XPO5: variants seen among roughly 807,000 people sequenced by gnomAD.
XPO5 encodes exportin-5.
Under a neutral mutation model 160.6 loss-of-function variants are expected in XPO5, and 46 were observed. That is an observed-to-expected ratio of 0.29 (90% CI 0.23 to 0.37). The LOEUF is 0.37. XPO5 is among the 10% of genes least tolerant of loss of function. The pLI is 1.00. For synonymous variants in XPO5, 537 were observed against 519.3 expected (o/e 1.03, Z -0.46); for missense variants, 1,090 against 1,463.9 (o/e 0.74, Z 4.17).
chr6:43,572,683 A>G (rs1763070831), intron 2 of XPO5, 105 bp from the exon 3 acceptor site: 2 of 1,224,852 alleles, frequency 1.6e-6, no homozygotes, highest in East Asian at 4.7e-5. Flanking sequence ...GATTTCATTA[A>G]GAAATTATAC....
At chr6:43,553,965 A>G (rs1761874482) in intron 13 of XPO5, among the ~76,000 whole-genome samples, 1 of 152,258 alleles carries the variant, frequency 6.6e-6, no homozygotes, top group Non-Finnish European at 1.5e-5. Flanking sequence ...TGTAATATAC[A>G]AAATACTGCT....
chr6:43,544,729 A>G (rs1392990760), intron 20 of XPO5, among the ~76,000 whole-genome samples: 1 of 152,188 alleles, frequency 6.6e-6, no homozygotes, highest in Non-Finnish European at 1.5e-5. Flanking sequence ...CCTGGGCAAC[A>G]TGGCAAAACC....
intron 7 of XPO5, 25 bp from the exon 8 acceptor site, chr6:43,565,761 A>G: frequency 6.4e-7 from 1 of 1,555,596 alleles, no homozygotes; most frequent in East Asian, 2.3e-5. Flanking sequence ...AGGGAAACAT[A>G]GTCATATAAA....
rs1367892859 is a variant in XPO5, at chr6:43,533,912, A to G, written c.2438T>C (p.Ile813Thr). 2 of 1,599,992 alleles carry G rather than the reference A, an allele frequency of 1.3e-6. No individual in the cohort carries two copies. Among genetic ancestry groups the G allele is most frequent in the East Asian group, 2.3e-5 (1 of 44,280 alleles). Residue 813 changes from isoleucine (I) to threonine (T), a missense_variant, in exon 21 of 32, where the codon ATA (isoleucine) becomes ACA (threonine). Physicochemically the swap from Ile to Thr is moderately conservative, Grantham distance 89. Transcript: ENST00000265351. ...LDMLDAEKSA[I>T]LGLPQPLLEL... ...AAAAAGGTTACATTTCTTACCTAAT[A>G]TAGCAGATTTTTCCGCGTCAAGCAT...
At chr6:43,566,484 G>T (rs1762701869) in intron 7 of XPO5, among the ~76,000 whole-genome samples, 1 of 151,886 alleles carries the variant, frequency 6.6e-6, no homozygotes, top group South Asian at 2.1e-4. Context: ...TATTCCTATG[G>T]AGAAAAGAGT....
chr6:43,565,528 G>C (rs1017890240), intron 8 of XPO5, 132 bp downstream of exon 8: 48 of 740,414 alleles, frequency 6.5e-5, no homozygotes, highest in Non-Finnish European at 6.0e-5. Context: ...TCGCGCCACT[G>C]CACTCCAGCC....
intron 24 of XPO5, among the ~76,000 whole-genome samples, chr6:43,528,453 G>A (rs1222421591): frequency 1.3e-5 from 2 of 152,022 alleles, no homozygotes; most frequent in African/African-American, 4.8e-5. Flanking sequence ...AACATTTTTA[G>A]AATTCCTGGG....
intron 28 of XPO5, 179 bp from the exon 29 acceptor site, chr6:43,525,393 C>G: frequency 1.6e-6 from 1 of 622,312 alleles, no homozygotes; most frequent in Non-Finnish European, 2.8e-6. Context: ...CCATCTAAGC[C>G]TCCCGAATAG....
chr6:43,537,659 C>G (rs1794420032), intron 20 of XPO5, among the ~76,000 whole-genome samples: 1 of 151,968 alleles, frequency 6.6e-6, no homozygotes, highest in Non-Finnish European at 1.5e-5. Flanking sequence ...AACAAAATAA[C>G]AAAAATAAAG....
intron 11 of XPO5, chr6:43,558,822 T>G: frequency 2.4e-6 from 1 of 411,770 alleles, no homozygotes; most frequent in Non-Finnish European, 4.3e-6. Flanking sequence ...ATCCTCCAAG[T>G]TCCTCAGGGA....
At chr6:43,537,931 G>A (rs568552003) in intron 20 of XPO5, among the ~76,000 whole-genome samples, 110 of 151,768 alleles carry the variant, frequency 7.2e-4, no homozygotes, top group African/African-American at 2.6e-3. Context: ...AGCCAGGCGT[G>A]GTGGCGCACA....
chr6:43,540,611 C>T (rs997126914), intron 20 of XPO5, among the ~76,000 whole-genome samples: 1 of 152,184 alleles, frequency 6.6e-6, no homozygotes, highest in Non-Finnish European at 1.5e-5. Context: ...CGAGATCATG[C>T]CTTTGCATGC....
intron 30 of XPO5, 96 bp from the exon 31 acceptor site, chr6:43,524,731 A>T (rs1025043144): frequency 6.3e-7 from 1 of 1,585,250 alleles, no homozygotes; most frequent in Admixed American, 1.7e-5. Flanking sequence ...TTGCACCAGC[A>T]ATTTGGCAGG....
chr6:43,531,885 A>G (rs1372911564), intron 21 of XPO5, among the ~76,000 whole-genome samples: 1 of 152,204 alleles, frequency 6.6e-6, no homozygotes, highest in Non-Finnish European at 1.5e-5. Flanking sequence ...TGCTCCCACA[A>G]TTAAGTTATG....
chr6:43,524,483 A>C lies in XPO5; in HGVS notation c.3465T>G (p.Ala1155=). Residue 1155 remains alanine, a synonymous_variant, in exon 31 of 32, where the codon GCT becomes GCG. Coordinates refer to ENST00000265351, the MANE Select transcript of XPO5 (RefSeq NM_020750.3). ...RRKDQFKRLI[A]GCIGKPLGEQ... Reference sequence around the variant, plus strand: ...GTGCATGACCTACCCCAATGCAACCAGCAATGAGGCGTTTGAATTGGTCCT... The same window carrying C: ...GTGCATGACCTACCCCAATGCAACCCGCAATGAGGCGTTTGAATTGGTCCT... 1 of 1,613,518 alleles carries C rather than the reference A, an allele frequency of 6.2e-7. No homozygotes were observed. The highest frequency in any genetic ancestry group is 8.5e-7 in the Non-Finnish European group (1 of 1,179,854).
chr6:43,548,237 G>A (rs773409529), intron 18 of XPO5, 24 bp downstream of exon 18: 11 of 1,562,546 alleles, frequency 7.0e-6, no homozygotes, highest in Non-Finnish European at 9.6e-6. Flanking sequence ...TATAGTAAGA[G>A]TCAGGGCAAG....
chr6:43,558,167 T>C (rs1365954399), intron 12 of XPO5, among the ~76,000 whole-genome samples: 1 of 151,570 alleles, frequency 6.6e-6, no homozygotes, highest in Non-Finnish European at 1.5e-5. Context: ...TAGAATAAAA[T>C]GGATTTTTCC....
chr6:43,531,172 A>G (rs1345419196), intron 22 of XPO5, among the ~76,000 whole-genome samples: 1 of 152,218 alleles, frequency 6.6e-6, no homozygotes, highest in Admixed American at 6.5e-5. Flanking sequence ...GTATGCCGCA[A>G]GCAGTGTAGG....
At chr6:43,568,653 G>A (rs1458774488) in intron 6 of XPO5, 58 bp downstream of exon 6, 24 of 1,417,962 alleles carry the variant, frequency 1.7e-5, no homozygotes, top group South Asian at 4.2e-5. Context: ...CTAGGGGCAC[G>A]TATCCCCTCA....
Sources: gnomAD v4.1 joint callset for allele counts (sites outside exome capture counted in the v4.1 genomes callset) on GRCh38, gnomAD v4.1.1 for gene constraint, MANE v1.5 for transcripts, NCBI Gene and HGNC (gene_info 2026-07-23, HGNC 2026-07-21) for gene names.